CPA6: variants seen among roughly 807,000 people sequenced by gnomAD.
The protein encoded by CPA6 is carboxypeptidase A6.
Under a neutral mutation model 63.3 loss-of-function variants are expected in CPA6, and 58 were observed. The ratio of observed to expected loss-of-function variants is 0.92; its 90% confidence interval spans 0.74 to 1.14. The LOEUF (loss-of-function observed/expected upper bound fraction) is 1.14, where lower values mean the gene tolerates loss of function less well. Among genes scored for constraint, CPA6 ranks in the 50% most tolerant of loss-of-function variants. The pLI, the probability that CPA6 is intolerant of heterozygous loss-of-function variation, is 0.00. For synonymous variants in CPA6, 185 were observed against 179.0 expected (o/e 1.03, Z -0.27); for missense variants, 565 against 526.6 (o/e 1.07, Z -0.71).
chr8:67,486,506 C>A (rs765483083), intron 6 of CPA6, among the ~76,000 whole-genome samples: 1 of 152,162 alleles, frequency 6.6e-6, no homozygotes, highest in African/African-American at 2.4e-5. Flanking sequence ...ATGATGAAAT[C>A]GCTTAATGAC....
intron 6 of CPA6, among the ~76,000 whole-genome samples, chr8:67,502,381 T>C (rs1050092303): frequency 6.6e-6 from 1 of 152,220 alleles, no homozygotes; most frequent in Non-Finnish European, 1.5e-5. Flanking sequence ...AAGATTTGCA[T>C]GGGCCTGGGA....
intron 2 of CPA6, among the ~76,000 whole-genome samples, chr8:67,548,100 T>TTTCC (rs1812858778): frequency 7.0e-6 from 1 of 142,206 alleles, no homozygotes; most frequent in Non-Finnish European, 1.5e-5. Flanking sequence ...TCTCTTTCTC[T>TTTCC]TTCCTTCCTT....
chr8:67,444,574 G>T (rs1233645340), intron 8 of CPA6, among the ~76,000 whole-genome samples: 8 of 151,516 alleles, frequency 5.3e-5, no homozygotes, highest in African/African-American at 1.9e-4. Context: ...ACTTGAGATC[G>T]GGAGTTCGAG....
At chr8:67,649,851 T>C (rs1341892786) in intron 1 of CPA6, among the ~76,000 whole-genome samples, 2 of 152,080 alleles carry the variant, frequency 1.3e-5, no homozygotes, top group Non-Finnish European at 2.9e-5. Flanking sequence ...ATGCTGTGAA[T>C]GAAGACTTAA....
At chr8:67,472,417 T>C (rs562668076) in intron 8 of CPA6, among the ~76,000 whole-genome samples, 51 of 141,494 alleles carry the variant, frequency 3.6e-4, no homozygotes, top group African/African-American at 1.2e-3. Flanking sequence ...CTTATCTTAT[T>C]TTATTTTATT....
chr8:67,594,182 T>G (rs1238172196), intron 2 of CPA6, among the ~76,000 whole-genome samples: 2 of 152,196 alleles, frequency 1.3e-5, no homozygotes, highest in African/African-American at 4.8e-5. Context: ...GGTTGAAAAT[T>G]CTTTTCTTTA....
At chr8:67,665,309 T>G (rs887556460) in intron 1 of CPA6, among the ~76,000 whole-genome samples, 1 of 152,208 alleles carries the variant, frequency 6.6e-6, no homozygotes, top group Non-Finnish European at 1.5e-5. Context: ...TTTAGGACCT[T>G]GCGTGACCGA....
chr8:67,599,037 G>A (rs1814421492), intron 2 of CPA6, among the ~76,000 whole-genome samples: 1 of 151,780 alleles, frequency 6.6e-6, no homozygotes, highest in African/African-American at 2.4e-5. Flanking sequence ...ATATTAGCAT[G>A]GTATTTTAAC....
intron 6 of CPA6, among the ~76,000 whole-genome samples, chr8:67,490,556 T>C (rs1486859571): frequency 1.3e-5 from 2 of 152,172 alleles, no homozygotes; most frequent in Non-Finnish European, 2.9e-5. Context: ...TAAAAGATAC[T>C]AAGGAAAGTT....
chr8:67,519,742 T>C (rs1427522077), intron 2 of CPA6, among the ~76,000 whole-genome samples: 4 of 152,188 alleles, frequency 2.6e-5, no homozygotes, highest in Admixed American at 2.0e-4. Context: ...CTGTCAGCCC[T>C]TGGGCAAGGA....
chr8:67,487,383 C>A (rs145469767), intron 6 of CPA6, among the ~76,000 whole-genome samples: 5,312 of 152,262 alleles, frequency 0.035, 308 homozygotes, highest in African/African-American at 0.12. Flanking sequence ...GACATGAACT[C>A]ATCCTTTTTT....
At chr8:67,552,330 G>A (rs1009171859) in intron 2 of CPA6, among the ~76,000 whole-genome samples, 4 of 152,202 alleles carry the variant, frequency 2.6e-5, no homozygotes, top group African/African-American at 7.2e-5. Context: ...TGGCTTAAGG[G>A]TCTCAGAAAT....
chr8:67,713,481 C>T (rs1023053667), intron 1 of CPA6, among the ~76,000 whole-genome samples: 4 of 152,044 alleles, frequency 2.6e-5, no homozygotes, highest in African/African-American at 7.2e-5. Flanking sequence ...CCCTAACAAG[C>T]GATTTATTCC....
At chr8:67,659,659 A>T (rs1222811712) in intron 1 of CPA6, among the ~76,000 whole-genome samples, 1 of 152,220 alleles carries the variant, frequency 6.6e-6, no homozygotes. Context: ...CACAAAACTA[A>T]TCACATTTGC....
intron 2 of CPA6, among the ~76,000 whole-genome samples, chr8:67,604,578 A>G (rs772493780): frequency 6.6e-6 from 1 of 152,144 alleles, no homozygotes; most frequent in Non-Finnish European, 1.5e-5. Context: ...CCACAATATG[A>G]AGTTTCTTGA....
intron 2 of CPA6, among the ~76,000 whole-genome samples, chr8:67,591,478 G>C (rs1310342867): frequency 6.6e-6 from 1 of 152,180 alleles, no homozygotes; most frequent in Non-Finnish European, 1.5e-5. Context: ...ACCTTGGGCA[G>C]TATGGCCATT....
At chr8:67,563,762 T>C (rs1813271082) in intron 2 of CPA6, among the ~76,000 whole-genome samples, 1 of 152,208 alleles carries the variant, frequency 6.6e-6, no homozygotes. Flanking sequence ...TCTCTTTAAA[T>C]CTGCAAATCT....
chr8:67,628,162 G>T (rs141666158), intron 1 of CPA6, among the ~76,000 whole-genome samples: 1 of 151,926 alleles, frequency 6.6e-6, no homozygotes, highest in East Asian at 1.9e-4. Flanking sequence ...GCAGTGAGCC[G>T]AGATTGAGCC....
intron 5 of CPA6, among the ~76,000 whole-genome samples, chr8:67,507,710 G>A (rs75817518): frequency 0.011 from 1,689 of 152,200 alleles, 39 homozygotes; most frequent in African/African-American, 0.037. Context: ...ATTATGATGC[G>A]AATATCAATA....
Sources: gnomAD v4.1 joint callset for allele counts (sites outside exome capture counted in the v4.1 genomes callset) on GRCh38, gnomAD v4.1.1 for gene constraint, MANE v1.5 for transcripts, NCBI Gene and HGNC (gene_info 2026-07-23, HGNC 2026-07-21) for gene names.